The following NEDD4L variants were observed in gnomAD, a reference collection of about 807,000 sequenced individuals.
NEDD4L encodes NEDD4 like E3 ubiquitin protein ligase, also known as E3 ubiquitin-protein ligase NEDD4-like.
NEDD4L carries 54 observed loss-of-function variants against 148.9 expected under a neutral mutation model. The observed-to-expected ratio is 0.36, with a 90% CI of 0.29 to 0.45. NEDD4L has a LOEUF of 0.45. NEDD4L is among the 20% of genes least tolerant of loss of function. The pLI, the probability that NEDD4L is intolerant of heterozygous loss-of-function variation, is 1.00. For missense variants in NEDD4L, 856 were observed against 1,233.8 expected, an observed-to-expected ratio of 0.69 and a Z score of 4.59; for synonymous variants, 433 against 440.7, an observed-to-expected ratio of 0.98 and a Z score of 0.22.
intron 1 of NEDD4L, among the ~76,000 whole-genome samples, chr18:58,157,465 T>TAC (rs143242217): frequency 0.011 from 1,697 of 151,880 alleles, 28 homozygotes; most frequent in African/African-American, 0.039. Context: ...CAAATATTCG[T>TAC]ACACACACAC....
intron 23 of NEDD4L, chr18:58,371,970 A>C (rs936129606): frequency 6.6e-6 from 1 of 152,224 alleles, no homozygotes; most frequent in Non-Finnish European, 1.5e-5. Flanking sequence ...GACCAGGGAC[A>C]GGCGCTTAGG....
At chr18:58,194,742 A>G (rs1031132951) in intron 2 of NEDD4L, among the ~76,000 whole-genome samples, 7 of 152,218 alleles carry the variant, frequency 4.6e-5, no homozygotes, top group African/African-American at 1.4e-4. Flanking sequence ...ATATTTTGCT[A>G]TTGGGTATGC....
chr18:58,349,039 A>G (rs1320462387), intron 16 of NEDD4L, among the ~76,000 whole-genome samples: 1 of 152,180 alleles, frequency 6.6e-6, no homozygotes, highest in East Asian at 1.9e-4. Flanking sequence ...GACCAGATTG[A>G]CATTCTCTGC....
chr18:58,341,196 ACCG>A, intron 14 of NEDD4L, 27 bp downstream of exon 14: 2 of 1,608,000 alleles, frequency 1.2e-6, no homozygotes, highest in South Asian at 1.1e-5. Context: ...CCAACTTAAA[ACCG>A]CAGGCCATAG....
intron 1 of NEDD4L, among the ~76,000 whole-genome samples, chr18:58,148,910 T>C (rs952438514): frequency 7.2e-5 from 11 of 152,216 alleles, no homozygotes; most frequent in African/African-American, 2.7e-4. Context: ...ATTTCCTTAT[T>C]TGCTCTAAGC....
chr18:58,195,784 A>C, intron 2 of NEDD4L: 1 of 1,136,584 alleles, frequency 8.8e-7, no homozygotes, highest in South Asian at 1.2e-5. Flanking sequence ...TAGTGCCCAC[A>C]GCATCAGGAG....
chr18:58,282,657 A>G (rs921554374), intron 5 of NEDD4L, among the ~76,000 whole-genome samples: 5 of 152,234 alleles, frequency 3.3e-5, no homozygotes, highest in African/African-American at 4.8e-5. Flanking sequence ...GAGTGTTTTT[A>G]GTAGGCAGGG....
intron 24 of NEDD4L, among the ~76,000 whole-genome samples, chr18:58,377,543 A>G (rs904102435): frequency 2.0e-5 from 3 of 152,070 alleles, no homozygotes; most frequent in African/African-American, 7.2e-5. Flanking sequence ...TCTAGGGCCT[A>G]ATATGAAAGT....
intron 1 of NEDD4L, among the ~76,000 whole-genome samples, chr18:58,085,182 G>A (rs2083694911): frequency 6.6e-6 from 1 of 152,184 alleles, no homozygotes; most frequent in South Asian, 2.1e-4. Flanking sequence ...GTGAATTCTG[G>A]GGGAACATGG....
At chr18:58,382,221 G>A (rs2048438910) in intron 24 of NEDD4L, among the ~76,000 whole-genome samples, 1 of 152,176 alleles carries the variant, frequency 6.6e-6, no homozygotes, top group Admixed American at 6.5e-5. Context: ...TGAGTGCTCG[G>A]GTCAGAGGGG....
intron 1 of NEDD4L, among the ~76,000 whole-genome samples, chr18:58,066,680 G>T (rs985732869): frequency 6.6e-6 from 1 of 152,108 alleles, no homozygotes; most frequent in East Asian, 1.9e-4. Flanking sequence ...AAGAAAAGAG[G>T]TTTAATTGGC....
At chr18:58,328,883 T>C (rs2059545491) in intron 9 of NEDD4L, 112 bp from the exon 10 acceptor site, 5 of 1,155,546 alleles carry the variant, frequency 4.3e-6, no homozygotes, top group Admixed American at 4.0e-5. Flanking sequence ...TTGTCAGTGT[T>C]TGACGCTGAC....
intron 1 of NEDD4L, among the ~76,000 whole-genome samples, chr18:58,099,186 CTT>C (rs1011982856): frequency 6.8e-6 from 1 of 147,640 alleles, no homozygotes; most frequent in Non-Finnish European, 1.5e-5. Context: ...CCCCAGTGTC[CTT>C]TTTTTTTTGG....
At chr18:58,227,773 C>G in intron 2 of NEDD4L, 1 of 459,288 alleles carries the variant, frequency 2.2e-6, no homozygotes, top group Non-Finnish European at 2.8e-6. Flanking sequence ...TAGCTTAATC[C>G]TTTATTAATT....
chr18:58,099,646 G>A (rs1034240573), intron 1 of NEDD4L, among the ~76,000 whole-genome samples: 30 of 152,142 alleles, frequency 2.0e-4, no homozygotes, highest in Non-Finnish European at 7.3e-5. Context: ...CAACACCAGC[G>A]GGTGCTGTCC....
intron 2 of NEDD4L, among the ~76,000 whole-genome samples, chr18:58,188,484 T>C (rs553960749): frequency 1.2e-3 from 187 of 152,306 alleles, no homozygotes; most frequent in Non-Finnish European, 2.1e-3. Context: ...GGGAGGCTGC[T>C]TGTTCCCTCA....
intron 2 of NEDD4L, among the ~76,000 whole-genome samples, chr18:58,178,592 T>C (rs1481480781): frequency 6.6e-6 from 1 of 152,238 alleles, no homozygotes; most frequent in Non-Finnish European, 1.5e-5. Flanking sequence ...GTGTAAGTAA[T>C]GTTTAATAAG....
At chr18:58,236,211 G>T (rs765225752) in intron 2 of NEDD4L, among the ~76,000 whole-genome samples, 10 of 151,896 alleles carry the variant, frequency 6.6e-5, no homozygotes, top group Admixed American at 1.3e-4. Flanking sequence ...TTAAAAATTA[G>T]CCAGGCATGG....
intron 29 of NEDD4L, 40 bp downstream of exon 29, chr18:58,390,782 A>C (rs1568947868): frequency 5.5e-6 from 8 of 1,447,420 alleles, no homozygotes; most frequent in Non-Finnish European, 7.6e-6. Flanking sequence ...CCTCCTGGGA[A>C]TTTCCAGCCA....
Sources: allele counts gnomAD v4.1 joint callset (sites outside exome capture counted in the v4.1 genomes callset), GRCh38; gene constraint gnomAD v4.1.1; transcripts MANE v1.5; gene names NCBI Gene and HGNC (gene_info 2026-07-23, HGNC 2026-07-21).